The following KCNG3 variants were observed in gnomAD, a reference collection of about 807,000 sequenced individuals.
KCNG3 encodes the protein voltage-gated potassium channel regulatory subunit KCNG3.
Under a neutral mutation model 29.0 loss-of-function variants are expected in KCNG3, and 15 were observed. The ratio of observed to expected loss-of-function variants is 0.52; its 90% confidence interval spans 0.35 to 0.80. The LOEUF (loss-of-function observed/expected upper bound fraction) is 0.80. Among genes scored for constraint, KCNG3 ranks in the 30% least tolerant of loss-of-function variants. The pLI is 0.01. For synonymous variants in KCNG3, 322 were observed against 248.9 expected (o/e 1.29, Z -2.76); for missense variants, 512 against 605.7 (o/e 0.85, Z 1.62).
the KCNG3 span, chr2:42,415,559 G>C: frequency 2.0e-5 from 3 of 152,136 alleles, no homozygotes; most frequent in Non-Finnish European, 4.4e-5. Flanking sequence ...ACCTGTAAAA[G>C]ACATGTAACA....
downstream of KCNG3, among the ~76,000 whole-genome samples, chr2:42,439,059 G>T (rs564918278): frequency 1.6e-3 from 250 of 152,236 alleles, 1 homozygote; most frequent in African/African-American, 5.8e-3. Context: ...GAATAATGCA[G>T]TGACAACTAT....
downstream of KCNG3, among the ~76,000 whole-genome samples, chr2:42,438,085 A>C (rs1238460907): frequency 2.6e-5 from 4 of 152,220 alleles, no homozygotes. Context: ...TTGTAGAGAA[A>C]GAAAGCATGG....
intron 1 of KCNG3, among the ~76,000 whole-genome samples, chr2:42,469,645 T>C (rs1673236655): frequency 1.3e-5 from 2 of 152,038 alleles, no homozygotes; most frequent in Non-Finnish European, 1.5e-5. Context: ...AAATTATTTA[T>C]AAATATATTT....
the KCNG3 span, among the ~76,000 whole-genome samples, chr2:42,424,670 TGCTCTGATTAATA>T: frequency 6.6e-6 from 1 of 152,160 alleles, no homozygotes; most frequent in African/African-American, 2.4e-5. Flanking sequence ...TAGAAACCAT[TGCTCTGATTAATA>T]GCACATAAGT....
chr2:42,409,374 A>C, the KCNG3 span, among the ~76,000 whole-genome samples: 7 of 152,014 alleles, frequency 4.6e-5, no homozygotes, highest in Admixed American at 4.6e-4. Flanking sequence ...ATTAAAAATT[A>C]TTTTTCAAAT....
intron 1 of KCNG3, among the ~76,000 whole-genome samples, chr2:42,452,770 G>GGT (rs57111452): frequency 0.25 from 37,415 of 149,846 alleles, 4,941 homozygotes; most frequent in East Asian, 0.56. Flanking sequence ...CATTCAACTG[G>GGT]GTGTGTGTGT....
At chr2:42,418,793 G>T in the KCNG3 span, among the ~76,000 whole-genome samples, 23 of 152,264 alleles carry the variant, frequency 1.5e-4, no homozygotes, top group Admixed American at 7.8e-4. Context: ...GCCAGCCATA[G>T]AATCACCATA....
At chr2:42,445,780 G>A (rs1483547378) in intron 1 of KCNG3, among the ~76,000 whole-genome samples, 2 of 151,962 alleles carry the variant, frequency 1.3e-5, no homozygotes, top group Non-Finnish European at 2.9e-5. Flanking sequence ...AGGCTGGAGT[G>A]CAGTGGCACG....
the KCNG3 span, among the ~76,000 whole-genome samples, chr2:42,412,797 G>A: frequency 1.3e-5 from 2 of 151,990 alleles, no homozygotes; most frequent in East Asian, 3.8e-4. Flanking sequence ...AATTTAAAAG[G>A]GCATTCAGTG....
chr2:42,467,198 G>A (rs991698893), intron 1 of KCNG3, among the ~76,000 whole-genome samples: 18 of 150,796 alleles, frequency 1.2e-4, no homozygotes, highest in African/African-American at 3.7e-4. Flanking sequence ...AAACTGAACG[G>A]TCCTACAATC....
At chr2:42,396,423 TTTTTC>T in the KCNG3 span, among the ~76,000 whole-genome samples, 3 of 152,204 alleles carry the variant, frequency 2.0e-5, no homozygotes, top group Non-Finnish European at 4.4e-5. Context: ...TTTCTTCTGT[TTTTTC>T]TTTTCTAGTT....
intron 1 of KCNG3, among the ~76,000 whole-genome samples, chr2:42,456,187 T>C (rs945176908): frequency 6.6e-6 from 1 of 152,132 alleles, no homozygotes; most frequent in Non-Finnish European, 1.5e-5. Flanking sequence ...ATCATCAGTA[T>C]AAGATGAAAG....
At chr2:42,424,059 C>T in the KCNG3 span, among the ~76,000 whole-genome samples, 1 of 152,166 alleles carries the variant, frequency 6.6e-6, no homozygotes, top group African/African-American at 2.4e-5. Context: ...CCCCCACCTC[C>T]AGCTTTGCAA....
At chr2:42,406,826 CA>C in the KCNG3 span, among the ~76,000 whole-genome samples, 102,958 of 113,714 alleles carry the variant, frequency 0.91, 46,344 homozygotes, top group East Asian at 0.95. Flanking sequence ...GACTCCTTCT[CA>C]AAAAAAAAAA....
At position 42,442,071 on chromosome 2, in the gene KCNG3, G is replaced by A. The variant is rs1280360271; in HGVS notation, c.*1863C>T. 6.6e-6 allele frequency: 1 copy of A among 152,002 alleles called. No individual in the cohort carries two copies. Among genetic ancestry groups the A allele is most frequent in the Non-Finnish European group, 1.5e-5 (1 of 68,020 alleles). The allele number at this position is 152,002 out of a possible 1,614,324, so 9.4% of individuals were successfully genotyped here. Reference sequence around the variant, plus strand: ...ATGGAGGTGCTATCATCTGCACATTGTTTGCATGAACCACAAAGCTTTAAT... The same window carrying A: ...ATGGAGGTGCTATCATCTGCACATTATTTGCATGAACCACAAAGCTTTAAT... On this transcript the variant is annotated 3_prime_UTR_variant, in exon 2 of 2. Coordinates refer to ENST00000306078, the MANE Select transcript of KCNG3 (RefSeq NM_133329.6).
the KCNG3 span, among the ~76,000 whole-genome samples, chr2:42,433,556 T>C: frequency 1.3e-5 from 2 of 152,012 alleles, no homozygotes; most frequent in Admixed American, 6.6e-5. Context: ...CTGGACAAAA[T>C]GGTGAAATCC....
chr2:42,427,204 G>A, the KCNG3 span, among the ~76,000 whole-genome samples: 69 of 152,262 alleles, frequency 4.5e-4, 1 homozygote, highest in East Asian at 0.012. Context: ...AAAATTCAAG[G>A]TATTCTGAAA....
chr2:42,437,373 CTT>C, downstream of KCNG3, among the ~76,000 whole-genome samples: 1 of 152,020 alleles, frequency 6.6e-6, no homozygotes, highest in Non-Finnish European at 1.5e-5. Context: ...TTGTATTATT[CTT>C]TGTTTTTAAG....
At chr2:42,406,663 AAAAATTT>A in the KCNG3 span, among the ~76,000 whole-genome samples, 1 of 151,080 alleles carries the variant, frequency 6.6e-6, no homozygotes, top group East Asian at 2.0e-4. Context: ...CATCTCTACT[AAAAATTT>A]AAAAAAATAA....
Sources: allele counts gnomAD v4.1 joint callset (sites outside exome capture counted in the v4.1 genomes callset), GRCh38; gene constraint gnomAD v4.1.1; transcripts MANE v1.5; gene names NCBI Gene and HGNC (gene_info 2026-07-23, HGNC 2026-07-21).